DUS4L: variants seen among roughly 807,000 people sequenced by gnomAD.
The protein encoded by DUS4L is dihydrouridine synthase 4 like.
Under a neutral mutation model 33.8 loss-of-function variants are expected in DUS4L, and 31 were observed. The ratio of observed to expected loss-of-function variants is 0.92; its 90% confidence interval spans 0.69 to 1.24. The LOEUF (loss-of-function observed/expected upper bound fraction) is 1.24, where lower values mean the gene tolerates loss of function less well. Ranked by LOEUF, DUS4L falls within the 50% of genes most tolerant of loss-of-function variation. The probability of loss-of-function intolerance (pLI) is 0.00; values close to 1 mark genes in which losing one functional copy is unlikely to be tolerated. For synonymous variants in DUS4L, 103 were observed against 120.3 expected, an observed-to-expected ratio of 0.86 and a Z score of 0.94; for missense variants, 368 against 388.6, an observed-to-expected ratio of 0.95 and a Z score of 0.45.
Position 107,567,059 on chromosome 7 carries a change from A to C in DUS4L, c.-12A>C. 6.3e-7 allele frequency: 1 copy of C among 1,597,310 alleles called. No homozygotes were observed. The highest frequency in any genetic ancestry group is 8.6e-7 in the Non-Finnish European group (1 of 1,169,348). On this transcript the variant is annotated 5_prime_UTR_variant, in exon 3 of 8. Coordinates refer to ENST00000265720, the MANE Select transcript of DUS4L (RefSeq NM_181581.3). ...TTATTGTCTTTTTCAGATTTGAAAC[A>C]TATCTGTATTAATGAAGAGTGACTG...
At chr7:107,570,922 A>T in intron 3 of DUS4L, 1 of 469,588 alleles carries the variant, frequency 2.1e-6, no homozygotes, top group Non-Finnish European at 3.7e-6. Context: ...TCCTGAGGTC[A>T]CTAGCCTATC....
chr7:107,566,793 A>G (rs927443739), intron 2 of DUS4L, among the ~76,000 whole-genome samples: 10 of 101,552 alleles, frequency 9.8e-5, no homozygotes, highest in Non-Finnish European at 2.3e-4. Flanking sequence ...TAAACTAGGG[A>G]AAAAAAAAAA....
intron 4 of DUS4L, 22 bp downstream of exon 4, chr7:107,571,288 G>T (rs779462870): frequency 1.3e-6 from 2 of 1,588,588 alleles, no homozygotes; most frequent in South Asian, 2.3e-5. Context: ...CGAGTGTACT[G>T]ACTTTGTAAA....
Position 107,564,137 on chromosome 7 carries a change from G to T in DUS4L, c.-183G>T, listed in dbSNP as rs1392673948. The T allele has an allele frequency of 4.8e-6, 4 of 832,692 alleles. No homozygotes were observed. Among genetic ancestry groups the T allele is most frequent in the Non-Finnish European group, 7.5e-6 (4 of 536,790 alleles). The allele number at this position is 832,692 out of a possible 1,614,324, so 51.6% of individuals were successfully genotyped here. A position where few individuals can be genotyped will look rare whatever the true frequency, so the allele number is the denominator to read the frequency against. On this transcript the variant is annotated 5_prime_UTR_variant, in exon 1 of 8. Transcript: ENST00000265720. Reference sequence around the variant, plus strand: ...AGGGAGCCAAGGCCGTCGGGCCGGCGCTTTCAGCTGTCTCTCGCAGCAGCT... The same window carrying T: ...AGGGAGCCAAGGCCGTCGGGCCGGCTCTTTCAGCTGTCTCTCGCAGCAGCT...
At chr7:107,570,104 T>A (rs1209053906) in intron 3 of DUS4L, 1 of 152,184 alleles carries the variant, frequency 6.6e-6, no homozygotes, top group African/African-American at 2.4e-5. Context: ...TGAGTGTATT[T>A]TGTCAAATGC....
rs114481539 is a variant in DUS4L at position 107,564,340 on chromosome 7, C to G, written c.-111+131C>G. ...GAGCTTCGTTTGCCCTCCACACTCACAAGAGTCACGCGTTAGTTGCTACAC... is the reference window on the plus strand; with the variant it reads ...GAGCTTCGTTTGCCCTCCACACTCAGAAGAGTCACGCGTTAGTTGCTACAC... On this transcript the variant is annotated intron_variant, in intron 1 of 7. Transcript: ENST00000265720. 1.7e-5 allele frequency: 6 copies of G among 361,066 alleles called. No individual in the cohort carries two copies. In the Admixed American group the frequency reaches 2.1e-4, roughly 12 times the overall value. 22.4% of individuals were successfully genotyped at this position (361,066 alleles called of 1,614,324 possible).
chr7:107,574,630 G>A lies in DUS4L; in HGVS notation c.357-558G>A, dbSNP rs779110212. ...TGGGATTACAGGCCTGAGCCACCGC[G>A]CCCAGCCTGACAATAATAGTTCTAC... On this transcript the variant is annotated intron_variant, in intron 5 of 7. Transcript: ENST00000265720. Among the ~76,000 whole-genome samples, 67 of 152,148 alleles carry A rather than the reference G, an allele frequency of 4.4e-4. No individual in the cohort carries two copies. The Middle Eastern group carries it at 0.01, about 23-fold the overall frequency.
At chr7:107,566,679 C>G (rs1443429391) in intron 2 of DUS4L, among the ~76,000 whole-genome samples, 1 of 151,804 alleles carries the variant, frequency 6.6e-6, no homozygotes, top group African/African-American at 2.4e-5. Context: ...AAATGCCAGT[C>G]GAGTATCATA....
chr7:107,572,420 C>G (rs1805330282), intron 4 of DUS4L, among the ~76,000 whole-genome samples: 1 of 152,088 alleles, frequency 6.6e-6, no homozygotes, highest in Non-Finnish European at 1.5e-5. Context: ...TCATAAACAC[C>G]CAGTGAATCT....
chr7:107,576,417 A>G lies in DUS4L; in HGVS notation c.531A>G (p.Ala177=). The G allele has an allele frequency of 6.2e-7, 1 of 1,611,916 alleles. No homozygotes were observed. Among genetic ancestry groups the G allele is most frequent in the Non-Finnish European group, 8.5e-7 (1 of 1,179,566 alleles). ...RTVDLCQKAE[A]TGVSWITVHG... ...TAGATCTTTGTCAAAAGGCTGAAGCAACAGGAGTTTCATGGATTACAGTCC... is the reference window on the plus strand; with the variant it reads ...TAGATCTTTGTCAAAAGGCTGAAGCGACAGGAGTTTCATGGATTACAGTCC... The change falls in exon 7 of 8, where the codon GCA becomes GCG. Residue 177 remains alanine, a synonymous_variant. Coordinates refer to ENST00000265720, the MANE Select transcript of DUS4L (RefSeq NM_181581.3).
At chr7:107,577,132 G>T in intron 7 of DUS4L, 181 bp from the exon 8 acceptor site, 3 of 795,706 alleles carry the variant, frequency 3.8e-6, no homozygotes, top group Non-Finnish European at 5.6e-6. Flanking sequence ...AAACTTTCCT[G>T]GTTTACAAAA....
chr7:107,567,001 A>G, intron 2 of DUS4L, 49 bp from the exon 3 acceptor site: 1 of 1,270,294 alleles, frequency 7.9e-7, no homozygotes, highest in South Asian at 1.4e-5. Context: ...GAATGGAATT[A>G]ATATAGTGAA....
intron 3 of DUS4L, among the ~76,000 whole-genome samples, chr7:107,568,386 C>A (rs1184413849): frequency 6.6e-6 from 1 of 152,160 alleles, no homozygotes; most frequent in Non-Finnish European, 1.5e-5. Flanking sequence ...TTATAATCAT[C>A]CTAATGGGTG....
At chr7:107,574,951 C>T (rs966020943) in intron 5 of DUS4L, 2 of 513,400 alleles carry the variant, frequency 3.9e-6, no homozygotes, top group African/African-American at 4.1e-5. Flanking sequence ...TGACTTTTAA[C>T]TTAATATTCT....
Position 107,571,189 on chromosome 7 carries a change from G to A in DUS4L, c.161G>A (p.Cys54Tyr). The A allele has an allele frequency of 6.2e-7, 1 of 1,612,656 alleles. No homozygotes were observed. The highest frequency in any genetic ancestry group is 8.5e-7 in the Non-Finnish European group (1 of 1,179,690). ...GTAAGAAAATATAGTTGTGATCTGT[G>A]TTACACACCAATGATTGTTGCCGCT... ...TLVRKYSCDL[C>Y]YTPMIVAADF... Residue 54 changes from cysteine (C) to tyrosine (Y), a missense_variant, in exon 4 of 8, where the codon TGT becomes TAT. Cys to Tyr is a radical substitution (Grantham distance 194). Coordinates refer to ENST00000265720, the MANE Select transcript of DUS4L (RefSeq NM_181581.3).
At chr7:107,573,157 A>G (rs552860431) in intron 4 of DUS4L, among the ~76,000 whole-genome samples, 21 of 152,370 alleles carry the variant, frequency 1.4e-4, no homozygotes, top group African/African-American at 4.8e-4. Flanking sequence ...ATTCTGTAAT[A>G]TCTATCACAG....
chr7:107,577,560 A>C lies in DUS4L; in HGVS notation c.954A>C (p.Ter318CysextTer12), dbSNP rs1197761325. 8 of 1,610,236 alleles carry C rather than the reference A, an allele frequency of 5.0e-6. No individual in the cohort carries two copies. The Admixed American group carries it at 1.2e-4, about 24-fold the overall frequency. Residue 318 changes from the stop codon to cysteine (C), a stop_lost, in exon 8 of 8, where the codon TGA becomes TGC. Transcript: ENST00000265720. ...ACCTTACAGACCATTATGGCATTTG[A>C]CTAGACTTCCCAAATAATTTTAATA... ...IDYLTDHYGI[*>C] is the part of the protein sequence containing the mutation.
intron 2 of DUS4L, among the ~76,000 whole-genome samples, chr7:107,566,095 T>C (rs1244248338): frequency 6.6e-6 from 1 of 152,190 alleles, no homozygotes; most frequent in Non-Finnish European, 1.5e-5. Context: ...TCTCCCCTTT[T>C]CCTCTGTTAC....
intron 1 of DUS4L, 131 bp downstream of exon 1, chr7:107,564,340 C>A (rs114481539): frequency 1.2e-4 from 42 of 361,184 alleles, no homozygotes; most frequent in Non-Finnish European, 1.8e-4. Flanking sequence ...TCCACACTCA[C>A]AAGAGTCACG....
Sources: gnomAD v4.1 joint callset for allele counts (sites outside exome capture counted in the v4.1 genomes callset) on GRCh38, gnomAD v4.1.1 for gene constraint, MANE v1.5 for transcripts, NCBI Gene and HGNC (gene_info 2026-07-23, HGNC 2026-07-21) for gene names.